Variants in VAV1 observed in about 807,000 individuals in gnomAD.
VAV1 encodes the protein proto-oncogene vav.
Under a neutral mutation model 128.1 loss-of-function variants are expected in VAV1, and 33 were observed. The ratio of observed to expected loss-of-function variants is 0.26; its 90% confidence interval spans 0.20 to 0.34. VAV1 has a LOEUF of 0.34. Among genes scored for constraint, VAV1 ranks in the 10% least tolerant of loss-of-function variants. The pLI, the probability that VAV1 is intolerant of heterozygous loss-of-function variation, is 1.00. For missense variants in VAV1, 715 were observed against 1,093.7 expected (o/e 0.65, Z 4.88); for synonymous variants, 394 against 409.8 (o/e 0.96, Z 0.47).
intron 26 of VAV1, among the ~76,000 whole-genome samples, chr19:6,856,738 A>G (rs1385057281): frequency 1.3e-5 from 2 of 151,600 alleles, no homozygotes; most frequent in East Asian, 1.9e-4. Context: ...AAGAAAAAAA[A>G]AAAAAAAAGA....
At position 6,833,591 on chromosome 19, in the gene VAV1, G is replaced by A. The variant is rs767493105; in HGVS notation, c.1674G>A (p.Leu558=). The A allele has an allele frequency of 3.7e-6, 6 of 1,613,786 alleles. No individual in the cohort carries two copies. The South Asian group carries it at 6.6e-5, about 18-fold the overall frequency. ...RCRASAHKEC[L]GRVPPCGRHG... is the part of the protein sequence containing the mutation. ...GGGCATCTGCACACAAGGAGTGTCT[G>A]GGGAGGGTCCCTCCATGTGGCCGAC... The change falls in exon 17 of 27, where the codon CTG becomes CTA. Residue 558 remains leucine (L), a synonymous_variant. Coordinates refer to ENST00000602142, the MANE Select transcript of VAV1 (RefSeq NM_005428.4).
At chr19:6,823,887 A>AT (rs1971853819) in intron 6 of VAV1, among the ~76,000 whole-genome samples, 1 of 152,040 alleles carries the variant, frequency 6.6e-6, no homozygotes, top group African/African-American at 2.4e-5. Flanking sequence ...TCACTGTCTA[A>AT]TTTTGGAATA....
At chr19:6,825,688 C>T (rs1336718468) in intron 8 of VAV1, among the ~76,000 whole-genome samples, 1 of 152,160 alleles carries the variant, frequency 6.6e-6, no homozygotes, top group Non-Finnish European at 1.5e-5. Context: ...CGGATGCACA[C>T]AGGGCCTGGC....
chr19:6,848,783 A>G (rs1230721616), intron 23 of VAV1, among the ~76,000 whole-genome samples: 1 of 148,622 alleles, frequency 6.7e-6, no homozygotes, highest in Non-Finnish European at 1.5e-5. Context: ...AATTTTTTTA[A>G]TTTAATTTTA....
chr19:6,773,955 C>T (rs1389322717), intron 1 of VAV1, among the ~76,000 whole-genome samples: 3 of 151,968 alleles, frequency 2.0e-5, no homozygotes, highest in Non-Finnish European at 4.4e-5. Context: ...CAGTCCTGCC[C>T]TGAGGTCTGA....
intron 1 of VAV1, among the ~76,000 whole-genome samples, chr19:6,793,723 C>G (rs186780103): frequency 6.6e-6 from 1 of 152,002 alleles, no homozygotes; most frequent in East Asian, 1.9e-4. Flanking sequence ...GAGACATTCC[C>G]GGGAGTGGGG....
At chr19:6,815,462 A>C (rs995079585) in intron 1 of VAV1, among the ~76,000 whole-genome samples, 23 of 152,182 alleles carry the variant, frequency 1.5e-4, no homozygotes, top group African/African-American at 5.1e-4. Context: ...TTCTGTTTGT[A>C]GCCCGTGAGC....
chr19:6,825,101 A>T lies in VAV1; in HGVS notation c.703A>T (p.Ile235Phe). 1 of 1,612,858 alleles carries T rather than the reference A, an allele frequency of 6.2e-7. No individual in the cohort carries two copies. The highest frequency in any genetic ancestry group is 8.5e-7 in the Non-Finnish European group (1 of 1,180,000). Residue 235 changes from isoleucine (I) to phenylalanine (F), a missense_variant, in exon 7 of 27, where the codon ATC (isoleucine) becomes TTC (phenylalanine). Transcript: ENST00000602142. ...GTTCCTGAAACCTCAAGACATTGAG[A>T]TCATCTTTATCAACATTGAGGTGAG... ...QRFLKPQDIE[I>F]IFINIEDLLR...
chr19:6,779,533 T>G (rs1970718003), intron 1 of VAV1, among the ~76,000 whole-genome samples: 1 of 150,672 alleles, frequency 6.6e-6, no homozygotes, highest in Non-Finnish European at 1.5e-5. Flanking sequence ...AGACTTACAT[T>G]TTGCTCGCCC....
At chr19:6,795,586 A>G (rs774940644) in intron 1 of VAV1, among the ~76,000 whole-genome samples, 2 of 152,088 alleles carry the variant, frequency 1.3e-5, no homozygotes, top group Non-Finnish European at 2.9e-5. Context: ...AGAACTGATG[A>G]TACGTAACGG....
rs1373805516 is a variant in VAV1, at chr19:6,836,897, C to CATTG, written c.1915-88_1915-87insATTG. 1.5e-4 allele frequency: 187 copies of CATTG among 1,272,458 alleles called. 1 individual carries two copies. The African/African-American group carries it at 2.5e-3, about 17-fold the overall frequency. 78.8% of individuals were successfully genotyped at this position (1,272,458 alleles called of 1,614,324 possible). ...ACACACACGAGTGATGGGGCAGGAT[C>CATTG]CACGTGTAGGGTTATGGGTTTAGAT... On this transcript the variant is annotated intron_variant, in intron 20 of 26. Transcript: ENST00000602142.
intron 1 of VAV1, among the ~76,000 whole-genome samples, chr19:6,805,515 G>A (rs1971373762): frequency 1.3e-5 from 2 of 150,340 alleles, no homozygotes; most frequent in South Asian, 4.2e-4. Flanking sequence ...GCTGAGGCAG[G>A]AGGATCACTT....
At chr19:6,843,790 T>C (rs1189736444) in intron 22 of VAV1, among the ~76,000 whole-genome samples, 2 of 152,184 alleles carry the variant, frequency 1.3e-5, no homozygotes, top group African/African-American at 2.4e-5. Flanking sequence ...TCATTTAATC[T>C]GTTCTAAGAT....
intron 1 of VAV1, among the ~76,000 whole-genome samples, chr19:6,778,273 G>A (rs1355816979): frequency 3.9e-5 from 6 of 152,246 alleles, no homozygotes; most frequent in East Asian, 1.9e-4. Context: ...TCTGGGCTGC[G>A]GAGATGGAAC....
rs200086086 is a variant in VAV1, at chr19:6,800,637, G to GT, written c.205-20058dup. Among the ~76,000 whole-genome samples the GT allele has an allele frequency of 2.8e-3, 400 of 144,838 alleles. 4 individuals are homozygous for GT. The South Asian group carries it at 0.034, about 12-fold the overall frequency. Reference sequence around the variant, plus strand: ...TTTTTTTTGTTTTGTTTTGTTTTTTGTTTTTTTGAGACATCCTCGGTCTGT... The same window carrying GT: ...TTTTTTTTGTTTTGTTTTGTTTTTTGTTTTTTTTGAGACATCCTCGGTCTGT... On this transcript the variant is annotated intron_variant, in intron 1 of 26. Transcript: ENST00000602142.
Position 6,844,063 on chromosome 19 carries a change from C to CTTTTTTTTTTTTTTTTTTT in VAV1, c.2012+920_2012+938dup, listed in dbSNP as rs71177123. Among the ~76,000 whole-genome samples the CTTTTTTTTTTTTTTTTTTT allele has an allele frequency of 2.0e-3, 43 of 21,324 alleles. 14 individuals are homozygous for CTTTTTTTTTTTTTTTTTTT. Among genetic ancestry groups the CTTTTTTTTTTTTTTTTTTT allele is most frequent in the Admixed American group, 3.9e-3 (5 of 1,274 alleles). 14.0% of individuals were successfully genotyped at this position (21,324 alleles called of 152,430 possible). ...ACTTTCTTCTTTTCTTCTTCTTCTT[C>CTTTTTTTTTTTTTTTTTTT]TTTTTTTTTTTTTTTTTTTTTTTTT... On this transcript the variant is annotated intron_variant, in intron 22 of 26. Coordinates refer to ENST00000602142, the MANE Select transcript of VAV1 (RefSeq NM_005428.4).
intron 1 of VAV1, among the ~76,000 whole-genome samples, chr19:6,798,740 G>T (rs1182738484): frequency 6.6e-6 from 1 of 151,474 alleles, no homozygotes; most frequent in East Asian, 1.9e-4. Flanking sequence ...TGAACTCCTG[G>T]ACTCAAGCGA....
chr19:6,824,039 G>A (rs549331674), intron 6 of VAV1, among the ~76,000 whole-genome samples: 82 of 152,180 alleles, frequency 5.4e-4, no homozygotes, highest in Admixed American at 9.8e-4. Context: ...CTGGGCTCAA[G>A]TGATCCCCCT....
rs945707387 is a variant in VAV1 at position 6,780,831 on chromosome 19, C to A, written c.204+7820C>A. On this transcript the variant is annotated intron_variant, in intron 1 of 26. Coordinates refer to ENST00000602142, the MANE Select transcript of VAV1 (RefSeq NM_005428.4). ...TCAGATGATCTGCCCGCCTCAGCCT[C>A]CCAAAGTGCTGGGATTACACGTGAT... Among the ~76,000 whole-genome samples the A allele has an allele frequency of 4.0e-5, 6 of 150,690 alleles. No homozygotes were observed. The East Asian group carries it at 9.6e-4, about 24-fold the overall frequency.
Sources: allele counts gnomAD v4.1 joint callset (sites outside exome capture counted in the v4.1 genomes callset), GRCh38; gene constraint gnomAD v4.1.1; transcripts MANE v1.5; gene names NCBI Gene and HGNC (gene_info 2026-07-23, HGNC 2026-07-21).